IGSF21: variants seen among roughly 807,000 people sequenced by gnomAD.
IGSF21 encodes the protein immunoglobin superfamily member 21.
In IGSF21, 28 loss-of-function variants were observed where a neutral mutation model predicts 46.8. The observed-to-expected ratio is 0.60, with a 90% CI of 0.44 to 0.82. IGSF21 has a LOEUF of 0.82. Among genes scored for constraint, IGSF21 ranks in the 40% least tolerant of loss-of-function variants. The probability of loss-of-function intolerance (pLI) is 0.00; values close to 1 mark genes in which losing one functional copy is unlikely to be tolerated. For missense variants in IGSF21, 624 were observed against 665.5 expected, an observed-to-expected ratio of 0.94 and a Z score of 0.69; for synonymous variants, 284 against 273.6, an observed-to-expected ratio of 1.04 and a Z score of -0.38.
chr1:18,108,219 C>A, intron 1 of IGSF21, 21 bp downstream of exon 1: 2 of 1,358,436 alleles, frequency 1.5e-6, no homozygotes, highest in South Asian at 1.8e-5. Flanking sequence ...GGGCGCCTGG[C>A]GGGAGCCGAG....
At chr1:18,304,490 A>G (rs2085391947) in intron 3 of IGSF21, among the ~76,000 whole-genome samples, 1 of 152,204 alleles carries the variant, frequency 6.6e-6, no homozygotes, top group African/African-American at 2.4e-5. Flanking sequence ...ACCAAGGCCC[A>G]GAGACTGTGG....
chr1:18,243,472 C>T (rs2084753253), intron 2 of IGSF21, among the ~76,000 whole-genome samples: 2 of 152,264 alleles, frequency 1.3e-5, no homozygotes, highest in South Asian at 4.2e-4. Context: ...CAGCTGAAGC[C>T]TCTATCACTA....
chr1:18,126,668 A>T (rs542277406), intron 1 of IGSF21, among the ~76,000 whole-genome samples: 1 of 152,224 alleles, frequency 6.6e-6, no homozygotes, highest in South Asian at 2.1e-4. Flanking sequence ...TGCCAGCCCA[A>T]CTGGCCTGCC....
chr1:18,190,077 C>A (rs1342886646), intron 1 of IGSF21, among the ~76,000 whole-genome samples: 2 of 152,204 alleles, frequency 1.3e-5, no homozygotes, highest in African/African-American at 2.4e-5. Flanking sequence ...CACAGCTGAT[C>A]CATGTCTGGG....
Position 18,365,724 on chromosome 1 carries a change from A to T in IGSF21, c.1015+27A>T. On this transcript the variant is annotated intron_variant, in intron 6 of 9. Transcript: ENST00000251296. This position sits in a 1 kb window ranked among gnomAD's most constrained non-coding sequence, Gnocchi z 4.8. ...TAAGACTTGGTGGGGGCCCTTCTGT[A>T]GAGCCCTTGCAGACCTGGGTGTGGG... 1 of 1,576,408 alleles carries T rather than the reference A, an allele frequency of 6.3e-7. No individual in the cohort carries two copies. The highest frequency in any genetic ancestry group is 8.7e-7 in the Non-Finnish European group (1 of 1,153,760).
At chr1:18,361,973 T>C (rs2086105397) in intron 4 of IGSF21, 142 bp from the exon 5 acceptor site, 1 of 616,340 alleles carries the variant, frequency 1.6e-6, no homozygotes. Context: ...TGGATACCAA[T>C]GGCACCCCCT....
intron 3 of IGSF21, among the ~76,000 whole-genome samples, chr1:18,299,515 T>C (rs1350316898): frequency 6.6e-6 from 1 of 152,216 alleles, no homozygotes; most frequent in Non-Finnish European, 1.5e-5. Context: ...ACGTCTTCTT[T>C]CTCTAAAATA....
rs141003947 is a variant in IGSF21, at chr1:18,232,887, G to C, written c.183+4877G>C. Reference sequence around the variant, plus strand: ...AATGTTGATAGTATCTGTTGGTCAGGGGGTGGGGAGTGTGGGTCTTTGGAT... The same window carrying C: ...AATGTTGATAGTATCTGTTGGTCAGCGGGTGGGGAGTGTGGGTCTTTGGAT... On this transcript the variant is annotated intron_variant, in intron 2 of 9. Transcript: ENST00000251296. 3.8e-3 allele frequency among the ~76,000 whole-genome samples: 583 copies of C among 152,316 alleles called. 2 individuals are homozygous for C. The highest frequency in any genetic ancestry group is 0.013 in the African/African-American group (524 of 41,560).
intron 3 of IGSF21, among the ~76,000 whole-genome samples, chr1:18,319,422 T>C (rs559759947): frequency 2.0e-5 from 3 of 152,346 alleles, no homozygotes; most frequent in African/African-American, 7.2e-5. Context: ...TGGGCAACCA[T>C]GTGTCCAGGA....
At chr1:18,307,103 A>T (rs955188365) in intron 3 of IGSF21, among the ~76,000 whole-genome samples, 1 of 151,970 alleles carries the variant, frequency 6.6e-6, no homozygotes, top group African/African-American at 2.4e-5. Context: ...TTAATTGATT[A>T]CATATTTCCT....
intron 3 of IGSF21, among the ~76,000 whole-genome samples, chr1:18,298,235 C>T (rs557478966): frequency 3.9e-5 from 6 of 152,184 alleles, no homozygotes; most frequent in Non-Finnish European, 8.8e-5. Context: ...GTTTGTCAAG[C>T]TCACCTTAGT....
chr1:18,338,572 C>A (rs1455393013), intron 4 of IGSF21, among the ~76,000 whole-genome samples: 1 of 152,166 alleles, frequency 6.6e-6, no homozygotes, highest in Non-Finnish European at 1.5e-5. Context: ...GCAGTTCCAC[C>A]AGAAAGCCCA....
intron 1 of IGSF21, among the ~76,000 whole-genome samples, chr1:18,196,573 G>A (rs984659479): frequency 1.1e-4 from 16 of 152,244 alleles, no homozygotes; most frequent in Non-Finnish European, 1.8e-4. Context: ...AAAATTATCC[G>A]TGTCAAGGCT....
chr1:18,362,250 C>T lies in IGSF21; in HGVS notation c.540+20C>T, dbSNP rs1284858806. ...CCCATGGTGAGTACCCCTGGAGTGC[C>T]CAGCTCCTTCCTATCTGCCGGACCA... On this transcript the variant is annotated intron_variant, in intron 5 of 9. Coordinates refer to ENST00000251296, the MANE Select transcript of IGSF21 (RefSeq NM_032880.5). 3 of 1,537,910 alleles carry T rather than the reference C, an allele frequency of 2.0e-6. No homozygotes were observed. Among genetic ancestry groups the T allele is most frequent in the Non-Finnish European group, 2.7e-6 (3 of 1,118,104 alleles).
chr1:18,126,161 G>A (rs1384936216), intron 1 of IGSF21, among the ~76,000 whole-genome samples: 2 of 152,188 alleles, frequency 1.3e-5, no homozygotes, highest in African/African-American at 4.8e-5. Flanking sequence ...AGGCGAGAAT[G>A]TGGCTCAAGA....
At chr1:18,294,676 C>T (rs756602243) in intron 3 of IGSF21, among the ~76,000 whole-genome samples, 13 of 152,220 alleles carry the variant, frequency 8.5e-5, no homozygotes, top group Non-Finnish European at 1.9e-4. Flanking sequence ...CACATGGGGG[C>T]CAATCTCCCT....
In IGSF21 at chr1:18,183,325, A is replaced by G. The variant is rs527965482; in HGVS notation, c.71-44573A>G. ...GGGCTCTTCCTTTCCATTAAGTTGT[A>G]AACTGCATGAGAACTGGACCATGTC... On this transcript the variant is annotated intron_variant, in intron 1 of 9. Coordinates refer to ENST00000251296, the MANE Select transcript of IGSF21 (RefSeq NM_032880.5). 9.8e-5 allele frequency among the ~76,000 whole-genome samples: 15 copies of G among 152,344 alleles called. No individual in the cohort carries two copies. The East Asian group carries it at 2.9e-3, about 29-fold the overall frequency.
chr1:18,145,419 C>T (rs534082486), intron 1 of IGSF21, among the ~76,000 whole-genome samples: 24 of 152,100 alleles, frequency 1.6e-4, no homozygotes, highest in East Asian at 1.4e-3. Flanking sequence ...GTGAAAACTC[C>T]GCTGTAAAAT....
chr1:18,148,561 G>T (rs1427440933), intron 1 of IGSF21, among the ~76,000 whole-genome samples: 1 of 152,194 alleles, frequency 6.6e-6, no homozygotes, highest in Non-Finnish European at 1.5e-5. Flanking sequence ...AGGCAGTCCA[G>T]CTTCAGCGTC....
Sources: gnomAD v4.1 joint callset for allele counts (sites outside exome capture counted in the v4.1 genomes callset) on GRCh38, gnomAD v4.1.1 for gene constraint, Gnocchi (gnomAD v3.1) non-coding constraint, MANE v1.5 for transcripts, NCBI Gene and HGNC (gene_info 2026-07-23, HGNC 2026-07-21) for gene names.